Variants in CLIP1 observed in about 807,000 individuals in gnomAD.
The protein encoded by CLIP1 is CAP-Gly domain containing linker protein 1.
In CLIP1, 66 loss-of-function variants were observed where a neutral mutation model predicts 161.6. The ratio of observed to expected loss-of-function variants is 0.41; its 90% CI spans 0.33 to 0.50. The LOEUF is 0.50. Among genes scored for constraint, CLIP1 ranks in the 20% least tolerant of loss-of-function variants. The pLI is 0.27. For missense variants in CLIP1, 1,376 were observed against 1,702.0 expected (o/e 0.81, Z 3.37); for synonymous variants, 598 against 626.2 (o/e 0.96, Z 0.67).
chr12:122,300,460 ATG>A (rs1950639285), intron 20 of CLIP1, among the ~76,000 whole-genome samples: 1 of 152,232 alleles, frequency 6.6e-6, no homozygotes, highest in South Asian at 2.1e-4. Flanking sequence ...CACAAGATAT[ATG>A]TGATTCTAAG....
At chr12:122,352,886 G>A (rs1953114508) in intron 7 of CLIP1, 100 bp from the exon 8 acceptor site, 1 of 982,226 alleles carries the variant, frequency 1.0e-6, no homozygotes, top group Non-Finnish European at 1.6e-6. Flanking sequence ...GGGCATGGTA[G>A]GCCACTCCTA....
At position 122,278,197 on chromosome 12, in the gene CLIP1, G is replaced by A; in HGVS notation, c.3923C>T (p.Thr1308Ile). ...TTCATCCTCGTCTGCCTGAGTGTCT[G>A]TATTACCTTATATTTGAGGAAAAAA... is the stretch of plus-strand genomic sequence containing the variant. Reference protein sequence around the residue: ...KRQLSSSSGNTDTQADEDERA... With the variant: ...KRQLSSSSGNIDTQADEDERA... The change falls in exon 24 of 26, where the codon ACA (threonine) becomes ATA (isoleucine). Residue 1308 changes from threonine (T) to isoleucine (I), a missense_variant. By Grantham distance (89) the Thr-to-Ile change is moderately conservative. This residue lies in a region of CLIP1 where 948 missense variants were observed against 1,134.8 expected (regional missense o/e 0.84). Coordinates refer to ENST00000620786, the MANE Select transcript of CLIP1 (RefSeq NM_001247997.2). 6.8e-7 allele frequency: 1 copy of A among 1,462,450 alleles called. No homozygotes were observed. The highest frequency in any genetic ancestry group is 9.4e-7 in the Non-Finnish European group (1 of 1,067,794). 90.6% of individuals were successfully genotyped at this position (1,462,450 alleles called of 1,614,324 possible).
chr12:122,400,563 A>C (rs551262887), intron 1 of CLIP1: 6 of 152,338 alleles, frequency 3.9e-5, no homozygotes, highest in Admixed American at 3.9e-4. Context: ...ACACATCAGC[A>C]GTCTCTTCTG....
chr12:122,365,115 T>TCCCTATGAATTC (rs1566178980), intron 3 of CLIP1, among the ~76,000 whole-genome samples: 2 of 151,884 alleles, frequency 1.3e-5, no homozygotes, highest in African/African-American at 4.8e-5. Context: ...GGGATAGCAT[T>TCCCTATGAATTC]AGGAGATATA....
chr12:122,396,933 ATTTTTTTTTTTTTT>A (rs34381270), intron 1 of CLIP1, among the ~76,000 whole-genome samples: 3 of 75,060 alleles, frequency 4.0e-5, no homozygotes, highest in African/African-American at 1.6e-4. Context: ...CACCCGGCAA[ATTTTTTTTTTTTTT>A]TTTTTTTTTT....
At chr12:122,362,234 G>A (rs868806154) in intron 4 of CLIP1, among the ~76,000 whole-genome samples, 1 of 150,538 alleles carries the variant, frequency 6.6e-6, no homozygotes, top group Admixed American at 6.6e-5. Flanking sequence ...TTACAGGCGT[G>A]AGCCACCATG....
rs982333966 is a variant in CLIP1 at position 122,272,036 on chromosome 12, T to C, written c.*839A>G. On this transcript the variant is annotated 3_prime_UTR_variant, in exon 26 of 26. Transcript: ENST00000620786. ...ATGGTTGCAAAGCCACAAGATGCTATGTCTGGCCTAGTCTGTTATGTCCTA... is the reference window on the plus strand; with the variant it reads ...ATGGTTGCAAAGCCACAAGATGCTACGTCTGGCCTAGTCTGTTATGTCCTA... 4 of 152,522 alleles carry C rather than the reference T, an allele frequency of 2.6e-5. No individual in the cohort carries two copies. 9.4% of individuals were successfully genotyped at this position (152,522 alleles called of 1,614,324 possible).
In CLIP1 at chr12:122,380,532, A is replaced by G. The variant is rs1244777182; in HGVS notation, c.-80T>C. Reference sequence around the variant, plus strand: ...AACCATTGATACAACTGTGGGTTCTATAGTGAAGTCAGTCTCTGGATTAAA... The same window carrying G: ...AACCATTGATACAACTGTGGGTTCTGTAGTGAAGTCAGTCTCTGGATTAAA... On this transcript the variant is annotated 5_prime_UTR_variant, in exon 2 of 26. Coordinates refer to ENST00000620786, the MANE Select transcript of CLIP1 (RefSeq NM_001247997.2). 1 of 795,312 alleles carries G rather than the reference A, an allele frequency of 1.3e-6. No individual in the cohort carries two copies. The highest frequency in any genetic ancestry group is 2.1e-6 in the Non-Finnish European group (1 of 487,750). The allele number at this position is 795,312 out of a possible 1,614,324, so 49.3% of individuals were successfully genotyped here.
intron 1 of CLIP1, among the ~76,000 whole-genome samples, chr12:122,390,279 C>CACACACATATATATATACATATATAT (rs1555280644): frequency 3.8e-5 from 3 of 79,014 alleles, no homozygotes; most frequent in African/African-American, 1.1e-4. Flanking sequence ...TATATATATA[C>CACACACATATATATATACATATATAT]ATATATATAT....
At chr12:122,325,383 C>T (rs1951672322) in intron 17 of CLIP1, among the ~76,000 whole-genome samples, 1 of 151,948 alleles carries the variant, frequency 6.6e-6, no homozygotes, top group Non-Finnish European at 1.5e-5. Flanking sequence ...ATTTGCACTC[C>T]CATCATGGTG....
chr12:122,304,687 C>A (rs1950803488), intron 20 of CLIP1, among the ~76,000 whole-genome samples: 1 of 152,168 alleles, frequency 6.6e-6, no homozygotes, highest in Non-Finnish European at 1.5e-5. Context: ...AAGTTTATAG[C>A]ATGAAGTTGA....
chr12:122,273,825 A>G (rs1955279182), intron 25 of CLIP1, among the ~76,000 whole-genome samples: 1 of 151,866 alleles, frequency 6.6e-6, no homozygotes, highest in Non-Finnish European at 1.5e-5. Context: ...TCCAGCTCCA[A>G]GGCTCAAGTA....
In CLIP1 at chr12:122,359,888, A is replaced by C. The variant is rs1333283169; in HGVS notation, c.1005+1071T>G. Among the ~76,000 whole-genome samples the C allele has an allele frequency of 2.6e-5, 4 of 152,222 alleles. 1 individual carries two copies. In the South Asian group the frequency reaches 8.3e-4, roughly 31 times the overall value. On this transcript the variant is annotated intron_variant, in intron 5 of 25. Transcript: ENST00000620786. ...CTGAACTCAGTCTGAGGAAAGTCTG[A>C]TGCCGCCATTTCTAACTTAAACAGT...
chr12:122,348,057 G>A (rs1036623819), intron 9 of CLIP1, among the ~76,000 whole-genome samples: 3 of 152,142 alleles, frequency 2.0e-5, no homozygotes, highest in African/African-American at 7.2e-5. Context: ...CTCAGTAGAA[G>A]GAATCTATTC....
chr12:122,389,201 C>T (rs1404172012), intron 1 of CLIP1, among the ~76,000 whole-genome samples: 1 of 152,166 alleles, frequency 6.6e-6, no homozygotes, highest in Non-Finnish European at 1.5e-5. Context: ...TGCAATAGCC[C>T]CTTGCACACT....
chr12:122,325,753 A>T (rs1485658930), intron 17 of CLIP1, among the ~76,000 whole-genome samples: 1 of 152,162 alleles, frequency 6.6e-6, no homozygotes, highest in African/African-American at 2.4e-5. Context: ...TCCCAGGCTC[A>T]AAGGATTCTC....
chr12:122,290,056 T>G (rs1287128801), intron 20 of CLIP1, among the ~76,000 whole-genome samples: 1 of 152,166 alleles, frequency 6.6e-6, no homozygotes, highest in African/African-American at 2.4e-5. Context: ...GTCAAAAAGC[T>G]CTTATATTTT....
rs111691970 is a variant in CLIP1, at chr12:122,312,592, C to T, written c.3474-2710G>A. Among the ~76,000 whole-genome samples the T allele has an allele frequency of 9.2e-3, 1,406 of 152,200 alleles. 8 individuals are homozygous for T. Among genetic ancestry groups the T allele is most frequent in the African/African-American group, 0.031 (1,290 of 41,532 alleles). On this transcript the variant is annotated intron_variant, in intron 19 of 25. Coordinates refer to ENST00000620786, the MANE Select transcript of CLIP1 (RefSeq NM_001247997.2). ...CAGCCTGGCCAACATGGCAAAACCC[C>T]ATCTCTACTAAAAATACAAAAATTA... is the stretch of plus-strand genomic sequence containing the variant.
chr12:122,349,727 G>A (rs576133675), intron 9 of CLIP1, among the ~76,000 whole-genome samples: 96 of 152,238 alleles, frequency 6.3e-4, no homozygotes, highest in Non-Finnish European at 7.3e-4. Context: ...AAGGCTTTGC[G>A]AGAAGCGCAC....
Sources: gnomAD v4.1 joint callset for allele counts (sites outside exome capture counted in the v4.1 genomes callset) on GRCh38, gnomAD v4.1.1 for gene constraint, gnomAD v4.1.1 regional missense constraint, MANE v1.5 for transcripts, NCBI Gene and HGNC (gene_info 2026-07-23, HGNC 2026-07-21) for gene names.